Variants in COL2A1 observed in about 807,000 individuals in gnomAD.
The protein encoded by COL2A1 is collagen alpha-1(II) chain.
In COL2A1, 28 loss-of-function variants were observed where a neutral mutation model predicts 204.5. The observed-to-expected ratio is 0.14, with a 90% CI of 0.10 to 0.19. The LOEUF is 0.19. Among genes scored for constraint, COL2A1 ranks in the 10% least tolerant of loss-of-function variants. The probability of loss-of-function intolerance (pLI) is 1.00; values close to 1 mark genes in which losing one functional copy is unlikely to be tolerated. For missense variants in COL2A1, 1,388 were observed against 2,027.5 expected (o/e 0.68, Z 6.06); for synonymous variants, 708 against 718.7 (o/e 0.99, Z 0.24).
intron 1 of COL2A1, 61 bp from the exon 2 acceptor site, chr12:48,000,186 G>C: frequency 2.6e-6 from 3 of 1,136,420 alleles, no homozygotes; most frequent in Non-Finnish European, 3.9e-6. Context: ...TGGGGAGCCA[G>C]AGAGAAAAAG....
At chr12:47,983,839 G>C in intron 29 of COL2A1, 103 bp from the exon 30 acceptor site, 1 of 1,231,090 alleles carries the variant, frequency 8.1e-7, no homozygotes, top group Non-Finnish European at 1.2e-6. Context: ...CAGCACAGGC[G>C]TCTTCCTGCA....
intron 46 of COL2A1, 82 bp from the exon 47 acceptor site, chr12:47,977,237 G>A (rs1363746927): frequency 6.3e-7 from 1 of 1,587,760 alleles, no homozygotes. Flanking sequence ...CTGCTCCTTA[G>A]TCCAGAGACT....
Position 47,980,315 on chromosome 12 carries a change from C to T in COL2A1, c.2625+239G>A, listed in dbSNP as rs146099977. Among the ~76,000 whole-genome samples the T allele has an allele frequency of 5.9e-4, 90 of 152,256 alleles. No individual in the cohort carries two copies. The highest frequency in any genetic ancestry group is 9.6e-4 in the Non-Finnish European group (65 of 68,002). On this transcript the variant is annotated intron_variant, in intron 39 of 53. Coordinates refer to ENST00000380518, the MANE Select transcript of COL2A1 (RefSeq NM_001844.5). The surrounding 1 kb of genome is among the most constrained non-coding windows in gnomAD (Gnocchi z 4.5). ...CCTCCCGGGAAGCTCTTCCTGCCAC[C>T]GCCCCCTCCTCCCCAGGAGATCAGC...
intron 1 of COL2A1, among the ~76,000 whole-genome samples, chr12:48,002,227 C>A (rs1940268424): frequency 6.6e-6 from 1 of 152,198 alleles, no homozygotes. Flanking sequence ...TGAGATCTCT[C>A]CCCTGAGCCA....
intron 12 of COL2A1, 69 bp from the exon 13 acceptor site, chr12:47,994,116 G>A: frequency 6.4e-7 from 1 of 1,567,404 alleles, no homozygotes; most frequent in Non-Finnish European, 8.8e-7. Context: ...CTGGGCTGCA[G>A]GAGGGCCTCC....
At chr12:47,989,351 A>G in intron 17 of COL2A1, 70 bp from the exon 18 acceptor site, 2 of 1,219,926 alleles carry the variant, frequency 1.6e-6, no homozygotes, top group South Asian at 1.3e-5. Flanking sequence ...CCACCCCGAC[A>G]CCTCACACTC....
chr12:47,986,530 T>C (rs1319525213), intron 22 of COL2A1, 87 bp from the exon 23 acceptor site: 6 of 768,174 alleles, frequency 7.8e-6, no homozygotes, highest in Admixed American at 2.2e-5. Flanking sequence ...GAAGTAGCCT[T>C]GGCAACTGTT....
chr12:47,977,987 C>A, intron 44 of COL2A1, 23 bp downstream of exon 44: 1 of 1,606,656 alleles, frequency 6.2e-7, no homozygotes, highest in Non-Finnish European at 8.5e-7. Context: ...ATCAGGGCCA[C>A]CCCAGGGGGT....
At chr12:47,990,168 T>TA (rs113757904) in intron 16 of COL2A1, among the ~76,000 whole-genome samples, 4 of 152,052 alleles carry the variant, frequency 2.6e-5, no homozygotes, top group Middle Eastern at 6.3e-3. Flanking sequence ...CACACCTGGC[T>TA]ATTTTTTTTA....
Position 47,996,510 on chromosome 12 carries a change from T to C in COL2A1, c.609+38A>G, listed in dbSNP as rs377677070. ...TCTGGCTCTGCTAAGGGCCACCTCC[T>C]GCCATTTTGGCTGCAAAGAACTAGT... On this transcript the variant is annotated intron_variant, in intron 8 of 53. Coordinates refer to ENST00000380518, the MANE Select transcript of COL2A1 (RefSeq NM_001844.5). 1.4e-5 allele frequency: 22 copies of C among 1,568,640 alleles called. No individual in the cohort carries two copies. In the Admixed American group the frequency reaches 3.5e-4, roughly 25 times the overall value.
rs149757685 is a variant in COL2A1 at position 47,994,411 on chromosome 12, C to T, written c.816+13G>A. 327 of 1,614,006 alleles carry T rather than the reference C, an allele frequency of 2.0e-4. No individual in the cohort carries two copies. The highest frequency in any genetic ancestry group is 2.4e-4 in the Non-Finnish European group (287 of 1,179,956). On this transcript the variant is annotated intron_variant, in intron 12 of 53. Coordinates refer to ENST00000380518, the MANE Select transcript of COL2A1 (RefSeq NM_001844.5). ...TAGGAAAGATGCCTGAGGCTGGGAA[C>T]GGTGGCGTTTACCTGAGGACCAGGC...
chr12:47,979,701 G>A, intron 40 of COL2A1, 137 bp from the exon 41 acceptor site: 1 of 859,036 alleles, frequency 1.2e-6, no homozygotes, highest in Non-Finnish European at 1.9e-6. Flanking sequence ...GGGGATCCAG[G>A]GAGGGAGAAA....
intron 50 of COL2A1, 93 bp from the exon 51 acceptor site, chr12:47,975,698 T>C (rs1938672498): frequency 7.1e-7 from 1 of 1,404,504 alleles, no homozygotes; most frequent in Non-Finnish European, 9.8e-7. Flanking sequence ...AGTGTCCCTC[T>C]TCCCAGCCCC....
chr12:47,986,552 G>T (rs1447126955), intron 22 of COL2A1, 109 bp from the exon 23 acceptor site: 8 of 778,230 alleles, frequency 1.0e-5, no homozygotes, highest in East Asian at 8.0e-5. Flanking sequence ...CAGGGCTGGG[G>T]GGGGGCTTGA....
rs1320301864 is a variant in COL2A1 at position 47,977,946 on chromosome 12, A to G, written c.3111+64T>C. 15 of 1,458,524 alleles carry G rather than the reference A, an allele frequency of 1.0e-5. No homozygotes were observed. In the Middle Eastern group the frequency reaches 6.9e-4, roughly 67 times the overall value. 90.3% of individuals were successfully genotyped at this position (1,458,524 alleles called of 1,614,324 possible). A position where few individuals can be genotyped will look rare whatever the true frequency, so the allele number is the denominator to read the frequency against. On this transcript the variant is annotated intron_variant, in intron 44 of 53. Coordinates refer to ENST00000380518, the MANE Select transcript of COL2A1 (RefSeq NM_001844.5). The stretch of plus-strand genomic sequence containing the variant: ...GACTGGGACTTGTCCTTGCTGACCC[A>G]GCACAGAGACTCACAGGGCCCCTCT...
At chr12:47,974,417 G>A (rs956875219) in intron 52 of COL2A1, 86 bp from the exon 53 acceptor site, 1 of 1,557,630 alleles carries the variant, frequency 6.4e-7, no homozygotes, top group Non-Finnish European at 8.7e-7. Context: ...AGAGTTCATG[G>A]TTCAAGGACC....
intron 18 of COL2A1, chr12:47,988,470 C>T (rs1003902785): frequency 1.9e-5 from 3 of 154,656 alleles, no homozygotes; most frequent in African/African-American, 7.2e-5. Flanking sequence ...TCAGAACATT[C>T]CTGCTTCACT....
At position 47,985,898 on chromosome 12, in the gene COL2A1, CTT is replaced by C. The variant is rs760065233; in HGVS notation, c.1581+12_1581+13del. On this transcript the variant is annotated intron_variant, in intron 24 of 53. Coordinates refer to ENST00000380518, the MANE Select transcript of COL2A1 (RefSeq NM_001844.5). Reference sequence around the variant, plus strand: ...GATGCAGGGAGGGACCCCAGCCCCTCTTCTCCCACTCACCTTGGGACCTGCCA... The same window carrying C: ...GATGCAGGGAGGGACCCCAGCCCCTCCTCCCACTCACCTTGGGACCTGCCA... 6.4e-7 allele frequency: 1 copy of C among 1,556,386 alleles called. No homozygotes were observed.
In COL2A1 at chr12:47,984,015, T is replaced by C. The variant is rs1479181492; in HGVS notation, c.1941+72A>G. 6.0e-6 allele frequency: 8 copies of C among 1,339,406 alleles called. No homozygotes were observed. The East Asian group carries it at 1.9e-4, about 33-fold the overall frequency. The allele number at this position is 1,339,406 out of a possible 1,614,324, so 83.0% of individuals were successfully genotyped here. Reference sequence around the variant, plus strand: ...CACATCTGTCAGCTCCATTAATGGATGGGCTCTCCCACCCCCACCCCTCCC... The same window carrying C: ...CACATCTGTCAGCTCCATTAATGGACGGGCTCTCCCACCCCCACCCCTCCC... On this transcript the variant is annotated intron_variant, in intron 29 of 53. Coordinates refer to ENST00000380518, the MANE Select transcript of COL2A1 (RefSeq NM_001844.5).
Sources: allele counts gnomAD v4.1 joint callset (sites outside exome capture counted in the v4.1 genomes callset), GRCh38; gene constraint gnomAD v4.1.1; non-coding constraint Gnocchi (gnomAD v3.1); transcripts MANE v1.5; gene names NCBI Gene and HGNC (gene_info 2026-07-23, HGNC 2026-07-21).